PCDH9: variants seen among roughly 807,000 people sequenced by gnomAD.
The protein encoded by PCDH9 is protocadherin 9.
PCDH9 carries 24 observed loss-of-function variants against 70.6 expected under a neutral mutation model. That is an observed-to-expected ratio of 0.34 (90% confidence interval 0.25 to 0.48). PCDH9 has a LOEUF of 0.48. PCDH9 is among the 20% of genes least tolerant of loss of function. The probability of loss-of-function intolerance (pLI) is 0.99; values close to 1 mark genes in which losing one functional copy is unlikely to be tolerated. For synonymous variants in PCDH9, 562 were observed against 558.5 expected, an observed-to-expected ratio of 1.01 and a Z score of -0.09; for missense variants, 1,281 against 1,503.6, an observed-to-expected ratio of 0.85 and a Z score of 2.45.
chr13:66,357,601 A>G (rs1232182389), intron 4 of PCDH9, among the ~76,000 whole-genome samples: 1 of 152,066 alleles, frequency 6.6e-6, no homozygotes, highest in Non-Finnish European at 1.5e-5. Context: ...ATATAACTCC[A>G]TGTGTTAAAA....
chr13:66,386,795 C>G (rs958142703), intron 4 of PCDH9, among the ~76,000 whole-genome samples: 1 of 151,892 alleles, frequency 6.6e-6, no homozygotes, highest in Non-Finnish European at 1.5e-5. Flanking sequence ...TTGTTGGGAG[C>G]AAAATACCAG....
intron 2 of PCDH9, chr13:67,203,475 A>G (rs2138059331): frequency 6.6e-6 from 1 of 152,196 alleles, no homozygotes; most frequent in East Asian, 1.9e-4. Context: ...TCACTATTTC[A>G]AGAGGTAACA....
At chr13:66,436,589 A>G (rs568573206) in intron 4 of PCDH9, among the ~76,000 whole-genome samples, 6 of 152,212 alleles carry the variant, frequency 3.9e-5, no homozygotes, top group Admixed American at 3.9e-4. Context: ...CTGTGTCCCA[A>G]CTTTCTTTCT....
At chr13:66,898,799 C>T (rs1322891656) in intron 3 of PCDH9, among the ~76,000 whole-genome samples, 1 of 151,942 alleles carries the variant, frequency 6.6e-6, no homozygotes, top group African/African-American at 2.4e-5. Context: ...TACCATTTTG[C>T]TCCTGCTCCA....
rs147437909 is a variant in PCDH9 at position 66,558,318 on chromosome 13, T to A, written c.3340+72892A>T. On this transcript the variant is annotated intron_variant, in intron 4 of 4. Coordinates refer to ENST00000377865, the MANE Select transcript of PCDH9 (RefSeq NM_203487.3). ...ACTATTAAACAAATGTATGCTTTTT[T>A]TAAAAAAGCCTTTTATGACATGAAA... Among the ~76,000 whole-genome samples the A allele has an allele frequency of 3.3e-3, 509 of 152,252 alleles. 4 individuals carry two copies. The highest frequency in any genetic ancestry group is 0.014 in the Middle Eastern group (4 of 294).
chr13:66,816,988 T>C (rs1266499492), intron 3 of PCDH9, among the ~76,000 whole-genome samples: 1 of 143,440 alleles, frequency 7.0e-6, no homozygotes, highest in Non-Finnish European at 1.5e-5. Flanking sequence ...CAACTGTAGA[T>C]TGAAAATATT....
intron 2 of PCDH9, among the ~76,000 whole-genome samples, chr13:67,058,614 C>T (rs1393203087): frequency 6.6e-6 from 1 of 152,266 alleles, no homozygotes; most frequent in East Asian, 1.9e-4. Flanking sequence ...GACTTTCATG[C>T]TTTGAAGATG....
intron 4 of PCDH9, among the ~76,000 whole-genome samples, chr13:66,413,670 A>G (rs1957411685): frequency 6.6e-6 from 1 of 152,078 alleles, no homozygotes; most frequent in Non-Finnish European, 1.5e-5. Flanking sequence ...TGGGCAACAG[A>G]GCGAGACTCC....
chr13:67,200,784 A>AG lies in PCDH9; in HGVS notation c.3036+24620dup, dbSNP rs2089190636. 3.3e-5 allele frequency among the ~76,000 whole-genome samples: 5 copies of AG among 152,086 alleles called. No homozygotes were observed. The South Asian group carries it at 1.0e-3, about 32-fold the overall frequency. On this transcript the variant is annotated intron_variant, in intron 2 of 4. Transcript: ENST00000377865. ...ATGAGTACCTGGGGTTGGGAGAGTGAGGGGGGAAGCCCAGCCTGTGTCCTT... is the reference window on the plus strand; with the variant it reads ...ATGAGTACCTGGGGTTGGGAGAGTGAGGGGGGGAAGCCCAGCCTGTGTCCTT...
chr13:66,881,192 G>A (rs1166160640), intron 3 of PCDH9, among the ~76,000 whole-genome samples: 1 of 152,160 alleles, frequency 6.6e-6, no homozygotes, highest in African/African-American at 2.4e-5. Flanking sequence ...TGATTTATGA[G>A]TTAGGGAAGT....
At chr13:66,405,596 T>C (rs1034948444) in intron 4 of PCDH9, among the ~76,000 whole-genome samples, 1 of 152,162 alleles carries the variant, frequency 6.6e-6, no homozygotes, top group African/African-American at 2.4e-5. Context: ...GAGCAAGGAA[T>C]GTTAGAAGTT....
At chr13:67,060,307 A>G (rs2085513885) in intron 2 of PCDH9, among the ~76,000 whole-genome samples, 1 of 152,034 alleles carries the variant, frequency 6.6e-6, no homozygotes, top group Non-Finnish European at 1.5e-5. Context: ...CATTTTATCC[A>G]GGAGGAAATG....
intron 4 of PCDH9, among the ~76,000 whole-genome samples, chr13:66,579,712 A>G (rs938948363): frequency 6.6e-6 from 1 of 152,100 alleles, no homozygotes; most frequent in African/African-American, 2.4e-5. Flanking sequence ...TGTCTAAATG[A>G]GTATACTAAA....
chr13:66,776,665 G>T (rs1376135383), intron 3 of PCDH9, among the ~76,000 whole-genome samples: 2 of 152,226 alleles, frequency 1.3e-5, no homozygotes, highest in African/African-American at 4.8e-5. Context: ...CCATGCTCAT[G>T]GGCAGGATGA....
intron 2 of PCDH9, among the ~76,000 whole-genome samples, chr13:67,121,553 T>C (rs1223522432): frequency 6.6e-6 from 1 of 152,220 alleles, no homozygotes; most frequent in Non-Finnish European, 1.5e-5. Flanking sequence ...TTACTTTGTA[T>C]CACACTTACT....
intron 4 of PCDH9, among the ~76,000 whole-genome samples, chr13:66,572,809 G>C (rs1268690782): frequency 1.3e-5 from 2 of 151,930 alleles, no homozygotes; most frequent in African/African-American, 2.4e-5. Flanking sequence ...ACTCAGGCTG[G>C]AGTGCAGCGG....
At chr13:66,873,546 C>T (rs1215388772) in intron 3 of PCDH9, among the ~76,000 whole-genome samples, 2 of 152,194 alleles carry the variant, frequency 1.3e-5, no homozygotes, top group East Asian at 1.9e-4. Flanking sequence ...TCTTTCAATA[C>T]GTCAGGTTTT....
At chr13:66,381,699 G>A (rs995309169) in intron 4 of PCDH9, among the ~76,000 whole-genome samples, 1 of 152,040 alleles carries the variant, frequency 6.6e-6, no homozygotes, top group Non-Finnish European at 1.5e-5. Context: ...TTTTAAACTA[G>A]GTCTTTTCAA....
chr13:67,223,007 T>C (rs1365192606), intron 2 of PCDH9: 1 of 152,166 alleles, frequency 6.6e-6, no homozygotes, highest in East Asian at 1.9e-4. Context: ...TCACACTATT[T>C]CTTTTTCAGC....
Sources: allele counts gnomAD v4.1 joint callset (sites outside exome capture counted in the v4.1 genomes callset), GRCh38; gene constraint gnomAD v4.1.1; transcripts MANE v1.5; gene names NCBI Gene and HGNC (gene_info 2026-07-23, HGNC 2026-07-21).